The following TENM3 variants were observed in gnomAD, a reference collection of about 807,000 sequenced individuals.
TENM3 encodes teneurin transmembrane protein 3.
In TENM3, 63 loss-of-function variants were observed where a neutral mutation model predicts 255.1. That is an observed-to-expected ratio of 0.25 (90% CI 0.20 to 0.30). TENM3 has a LOEUF of 0.30. Ranked by LOEUF, TENM3 falls within the 10% of genes least tolerant of loss-of-function variation. The pLI is 1.00. For missense variants in TENM3, 2,929 were observed against 3,461.1 expected, an observed-to-expected ratio of 0.85 and a Z score of 3.86; for synonymous variants, 1,306 against 1,322.3, an observed-to-expected ratio of 0.99 and a Z score of 0.27.
Position 182,732,859 on chromosome 4 carries a change from C to T in TENM3, c.2967+1720C>T, listed in dbSNP as rs148859072. ...ATATATAATCATAATAGACTGTATTCGTAAAGAGGTAAGGAAAAATCTGTG... is the reference window on the plus strand; with the variant it reads ...ATATATAATCATAATAGACTGTATTTGTAAAGAGGTAAGGAAAAATCTGTG... On this transcript the variant is annotated intron_variant, in intron 16 of 27. Transcript: ENST00000511685. Among the ~76,000 whole-genome samples the T allele has an allele frequency of 1.2e-3, 186 of 152,160 alleles. 1 individual carries two copies. Among genetic ancestry groups the T allele is most frequent in the African/African-American group, 4.3e-3 (178 of 41,542 alleles).
chr4:182,620,035 T>A (rs1040105646), intron 4 of TENM3, among the ~76,000 whole-genome samples: 25 of 152,184 alleles, frequency 1.6e-4, no homozygotes, highest in African/African-American at 5.6e-4. Context: ...ACAAACCTCA[T>A]GTGGATGCCA....
At chr4:181,765,709 T>TA in the TENM3 span, among the ~76,000 whole-genome samples, 1 of 152,156 alleles carries the variant, frequency 6.6e-6, no homozygotes, top group Non-Finnish European at 1.5e-5. Flanking sequence ...AATAAACACT[T>TA]ATATTGCAGA....
chr4:182,619,167 C>T (rs1749842829), intron 4 of TENM3, among the ~76,000 whole-genome samples: 1 of 152,172 alleles, frequency 6.6e-6, no homozygotes, highest in Admixed American at 6.5e-5. Context: ...GTGGCTCACA[C>T]CTGTAATCGC....
chr4:182,471,946 T>C (rs1342542159), intron 3 of TENM3, among the ~76,000 whole-genome samples: 1 of 152,218 alleles, frequency 6.6e-6, no homozygotes, highest in African/African-American at 2.4e-5. Context: ...ACTCTCCCTC[T>C]GTCACTGTTT....
In TENM3 at chr4:182,800,104, C is replaced by A; in HGVS notation, c.7853C>A (p.Ala2618Glu). The A allele has an allele frequency of 6.4e-7, 1 of 1,568,424 alleles. No individual in the cohort carries two copies. The highest frequency in any genetic ancestry group is 8.6e-7 in the Non-Finnish European group (1 of 1,160,270). Residue 2618 changes from alanine (A) to glutamate (E), a missense_variant, in exon 28 of 28, where the codon GCG (alanine) becomes GAG (glutamate). Transcript: ENST00000511685. ...GGCATGACCCTGGACGAGGAGAAGG[C>A]GCGCATCCTGGAGCAGGCGCGGCAG... is the stretch of plus-strand genomic sequence containing the variant. ...RYGMTLDEEKARILEQARQRA... is the reference protein window; with the variant it reads ...RYGMTLDEEKERILEQARQRA...
chr4:181,606,932 G>C, the TENM3 span, among the ~76,000 whole-genome samples: 1 of 152,100 alleles, frequency 6.6e-6, no homozygotes, highest in Non-Finnish European at 1.5e-5. Flanking sequence ...CACTTACACC[G>C]CTTGGCTGAG....
At chr4:182,779,345 G>A (rs931405531) in intron 24 of TENM3, among the ~76,000 whole-genome samples, 3 of 152,044 alleles carry the variant, frequency 2.0e-5, no homozygotes, top group Admixed American at 2.0e-4. Context: ...TACTGAGAAT[G>A]ATGTTTTCCA....
At chr4:181,504,005 C>T in the TENM3 span, among the ~76,000 whole-genome samples, 2 of 152,194 alleles carry the variant, frequency 1.3e-5, no homozygotes, top group Non-Finnish European at 2.9e-5. Flanking sequence ...GCTGGTTAAT[C>T]CAAGGTTTTA....
In TENM3 at chr4:182,402,499, C is replaced by A. The variant is rs1188830194; in HGVS notation, c.511+55570C>A. On this transcript the variant is annotated intron_variant, in intron 3 of 27. Coordinates refer to ENST00000511685, the MANE Select transcript of TENM3 (RefSeq NM_001080477.4). Reference sequence around the variant, plus strand: ...GTTTTCTGGGCCAACGTAGACGTAGCCAGCCATAAAAATAAACATGGGCAC... The same window carrying A: ...GTTTTCTGGGCCAACGTAGACGTAGACAGCCATAAAAATAAACATGGGCAC... Among the ~76,000 whole-genome samples the A allele has an allele frequency of 2.6e-5, 4 of 152,052 alleles. No homozygotes were observed. In the East Asian group the frequency reaches 7.7e-4, roughly 29 times the overall value.
chr4:181,486,296 C>T, the TENM3 span, among the ~76,000 whole-genome samples: 1 of 152,164 alleles, frequency 6.6e-6, no homozygotes, highest in African/African-American at 2.4e-5. Context: ...AGAGTGGCCT[C>T]CGCTGCCAGC....
At chr4:181,619,298 C>A in the TENM3 span, among the ~76,000 whole-genome samples, 1 of 152,128 alleles carries the variant, frequency 6.6e-6, no homozygotes, top group Non-Finnish European at 1.5e-5. Context: ...TTTATTAAAG[C>A]CTTCTGTGAT....
chr4:181,908,292 C>G, the TENM3 span, among the ~76,000 whole-genome samples: 1 of 152,132 alleles, frequency 6.6e-6, no homozygotes, highest in Non-Finnish European at 1.5e-5. Flanking sequence ...CTTTGGCTTT[C>G]GGTAACCTTT....
the TENM3 span, among the ~76,000 whole-genome samples, chr4:181,913,749 G>A: frequency 0.016 from 2,410 of 152,162 alleles, 67 homozygotes; most frequent in African/African-American, 0.055. Context: ...CAAAGAACAG[G>A]GAAGCTGAAC....
At chr4:181,816,837 T>C in the TENM3 span, among the ~76,000 whole-genome samples, 1 of 152,362 alleles carries the variant, frequency 6.6e-6, no homozygotes, top group Non-Finnish European at 1.5e-5. Context: ...TCTTATCCTC[T>C]CTTGGCTAGA....
At chr4:181,556,446 T>C in the TENM3 span, among the ~76,000 whole-genome samples, 1 of 152,168 alleles carries the variant, frequency 6.6e-6, no homozygotes, top group African/African-American at 2.4e-5. Context: ...TTATAAACTT[T>C]AATTAACATT....
chr4:182,669,985 T>C (rs1755063171), intron 6 of TENM3, among the ~76,000 whole-genome samples: 1 of 152,194 alleles, frequency 6.6e-6, no homozygotes, highest in South Asian at 2.1e-4. Flanking sequence ...TAAAAGCTCC[T>C]TCATGACAAA....
the TENM3 span, among the ~76,000 whole-genome samples, chr4:181,820,740 G>T: frequency 6.6e-6 from 1 of 152,196 alleles, no homozygotes; most frequent in Non-Finnish European, 1.5e-5. Flanking sequence ...TAGAGATAGA[G>T]AACAGGGGGT....
At chr4:181,522,846 G>A in the TENM3 span, 1 of 955,850 alleles carries the variant, frequency 1.0e-6, no homozygotes, top group Middle Eastern at 2.2e-4. Context: ...TTCAATGCAG[G>A]CTCTAAAAGC....
At chr4:182,429,006 CTTTG>C (rs1432630994) in intron 3 of TENM3, among the ~76,000 whole-genome samples, 1 of 152,074 alleles carries the variant, frequency 6.6e-6, no homozygotes, top group Non-Finnish European at 1.5e-5. Flanking sequence ...TAGGAAATAT[CTTTG>C]TTTGTCTATT....
Sources: allele counts gnomAD v4.1 joint callset (sites outside exome capture counted in the v4.1 genomes callset), GRCh38; gene constraint gnomAD v4.1.1; transcripts MANE v1.5; gene names NCBI Gene and HGNC (gene_info 2026-07-23, HGNC 2026-07-21).